The following CCDC149 variants were observed in gnomAD, a reference collection of about 807,000 sequenced individuals.
CCDC149 encodes the protein coiled-coil domain containing 149.
A neutral mutation model predicts 59.9 loss-of-function variants in CCDC149; 45 were observed. The ratio of observed to expected loss-of-function variants is 0.75; its 90% CI spans 0.59 to 0.96. The LOEUF (loss-of-function observed/expected upper bound fraction) is 0.96. Among genes scored for constraint, CCDC149 ranks in the 40% least tolerant of loss-of-function variants. CCDC149 has a pLI of 0.00. For missense variants in CCDC149, 584 were observed against 664.7 expected (o/e 0.88, Z 1.33); for synonymous variants, 245 against 260.6 (o/e 0.94, Z 0.58).
At chr4:24,968,723 C>T (rs1271560778) in intron 1 of CCDC149, among the ~76,000 whole-genome samples, 1 of 152,186 alleles carries the variant, frequency 6.6e-6, no homozygotes, top group Non-Finnish European at 1.5e-5. Flanking sequence ...GACAGAATAG[C>T]CTATTGGGCA....
intron 1 of CCDC149, among the ~76,000 whole-genome samples, chr4:24,938,760 C>T (rs1341757268): frequency 1.3e-5 from 2 of 152,256 alleles, no homozygotes; most frequent in African/African-American, 2.4e-5. Context: ...CCGCACATGG[C>T]TCGGAGGGTC....
At chr4:24,924,010 G>A (rs1276882901) in intron 1 of CCDC149, among the ~76,000 whole-genome samples, 2 of 152,178 alleles carry the variant, frequency 1.3e-5, no homozygotes, top group Non-Finnish European at 2.9e-5. Context: ...TAGCATGTGG[G>A]AAGGGAAGAG....
At chr4:24,974,319 G>A (rs1300692972) in intron 1 of CCDC149, among the ~76,000 whole-genome samples, 2 of 152,208 alleles carry the variant, frequency 1.3e-5, no homozygotes, top group Non-Finnish European at 2.9e-5. Context: ...GAACCCTAGA[G>A]GGGTGAAATC....
At chr4:24,969,351 C>T (rs899571341) in intron 1 of CCDC149, among the ~76,000 whole-genome samples, 2 of 152,200 alleles carry the variant, frequency 1.3e-5, no homozygotes, top group Admixed American at 6.5e-5. Context: ...AGAACACCAT[C>T]TGGGCCCTGC....
At chr4:24,874,719 C>A (rs1435783658) in intron 2 of CCDC149, among the ~76,000 whole-genome samples, 1 of 152,166 alleles carries the variant, frequency 6.6e-6, no homozygotes, top group East Asian at 1.9e-4. Context: ...TAAGTCAACA[C>A]GATTTTAACC....
chr4:24,825,416 A>G (rs1027320946), intron 9 of CCDC149, among the ~76,000 whole-genome samples: 9 of 152,162 alleles, frequency 5.9e-5, no homozygotes, highest in African/African-American at 1.9e-4. Flanking sequence ...GAGACTCAGA[A>G]AGGTCACTTA....
chr4:24,811,718 CA>C (rs1458045764), intron 12 of CCDC149, among the ~76,000 whole-genome samples: 41 of 152,112 alleles, frequency 2.7e-4, no homozygotes, highest in African/African-American at 9.4e-4. Context: ...ACTAAAAATA[CA>C]AAAATTAGCC....
At chr4:24,938,834 G>A (rs576200773) in intron 1 of CCDC149, among the ~76,000 whole-genome samples, 60 of 152,354 alleles carry the variant, frequency 3.9e-4, no homozygotes, top group African/African-American at 1.4e-3. Flanking sequence ...CAAGGCATCA[G>A]CGAGGCTGGG....
At chr4:24,808,951 T>C (rs1216321168) in intron 12 of CCDC149, 132 bp from the exon 13 acceptor site, 2 of 810,920 alleles carry the variant, frequency 2.5e-6, no homozygotes, top group African/African-American at 1.7e-5. Flanking sequence ...TTTGGCTCCC[T>C]GTGCAGGGCA....
intron 1 of CCDC149, among the ~76,000 whole-genome samples, chr4:24,939,944 G>C (rs950394381): frequency 6.6e-6 from 1 of 152,200 alleles, no homozygotes; most frequent in Non-Finnish European, 1.5e-5. Flanking sequence ...GTGACGGGGA[G>C]AATGGAACCA....
intron 1 of CCDC149, among the ~76,000 whole-genome samples, chr4:24,942,028 G>C (rs368041418): frequency 3.3e-5 from 5 of 152,004 alleles, no homozygotes; most frequent in Admixed American, 6.6e-5. Flanking sequence ...AAGAGGGAAT[G>C]CTCCCTAACT....
chr4:24,974,321 G>C (rs894680525), intron 1 of CCDC149, among the ~76,000 whole-genome samples: 4 of 152,134 alleles, frequency 2.6e-5, no homozygotes, highest in African/African-American at 9.7e-5. Flanking sequence ...ACCCTAGAGG[G>C]GTGAAATCCC....
chr4:24,880,297 A>G (rs1719760721), intron 1 of CCDC149, among the ~76,000 whole-genome samples: 1 of 152,248 alleles, frequency 6.6e-6, no homozygotes, highest in South Asian at 2.1e-4. Context: ...GCTGTACCAC[A>G]TACGCTAGGC....
chr4:24,874,456 C>T (rs1001688063), intron 2 of CCDC149, among the ~76,000 whole-genome samples: 1 of 151,734 alleles, frequency 6.6e-6, no homozygotes, highest in African/African-American at 2.4e-5. Context: ...GCGGCGGGTG[C>T]CTGTAATCCC....
rs182772424 is a variant in CCDC149 at position 24,933,653 on chromosome 4, G to A, written c.-64-38535C>T. Among the ~76,000 whole-genome samples, 483 of 152,290 alleles carry A rather than the reference G, an allele frequency of 3.2e-3. 2 individuals carry two copies. The highest frequency in any genetic ancestry group is 5.7e-3 in the Non-Finnish European group (385 of 68,024). On this transcript the variant is annotated intron_variant, in intron 1 of 12. Transcript: ENST00000389609. The stretch of plus-strand genomic sequence containing the variant: ...TTTTCCTCCTAGAGTTCATATTCTG[G>A]AGGGAGAGACAGATAATAAGCTGTA...
At chr4:24,863,577 A>C (rs958434145) in intron 3 of CCDC149, among the ~76,000 whole-genome samples, 14 of 152,192 alleles carry the variant, frequency 9.2e-5, no homozygotes, top group Admixed American at 2.6e-4. Context: ...AAAGTAGAAA[A>C]GTTCCTCTTC....
chr4:24,808,818 C>A lies in CCDC149; in HGVS notation c.1194G>T (p.Gly398=). Residue 398 remains glycine, a splice_region_variant and synonymous_variant, in exon 13 of 13, where the codon GGG becomes GGT. Coordinates refer to ENST00000635206, the MANE Select transcript of CCDC149 (RefSeq NM_001330643.2). ...CATCTTCTTCTTGCTTCTGAGCCTC[C>A]CCTGAAAACAGAACGAGGACAACAT... 6.5e-7 allele frequency: 1 copy of A among 1,544,510 alleles called. No individual in the cohort carries two copies. Among genetic ancestry groups the A allele is most frequent in the Non-Finnish European group, 8.7e-7 (1 of 1,144,160 alleles).
intron 3 of CCDC149, among the ~76,000 whole-genome samples, chr4:24,857,739 G>C (rs1374937317): frequency 6.6e-6 from 1 of 152,194 alleles, no homozygotes; most frequent in African/African-American, 2.4e-5. Context: ...TACATTAGCT[G>C]CAAAACAGTG....
intron 3 of CCDC149, among the ~76,000 whole-genome samples, chr4:24,871,673 C>T (rs1719050262): frequency 6.6e-6 from 1 of 152,166 alleles, no homozygotes; most frequent in South Asian, 2.1e-4. Flanking sequence ...GTGGTTCCAA[C>T]CCAGGCAGAA....
Sources: allele counts gnomAD v4.1 joint callset (sites outside exome capture counted in the v4.1 genomes callset), GRCh38; gene constraint gnomAD v4.1.1; transcripts MANE v1.5; gene names NCBI Gene and HGNC (gene_info 2026-07-23, HGNC 2026-07-21).